Variants in TPI1 observed in about 807,000 individuals in gnomAD.
TPI1 encodes triosephosphate isomerase.
TPI1 carries 11 observed loss-of-function variants against 31.0 expected under a neutral mutation model. The observed-to-expected ratio is 0.36, with a 90% CI of 0.22 to 0.59. The LOEUF (loss-of-function observed/expected upper bound fraction) is 0.59, where lower values mean the gene tolerates loss of function less well. Ranked by LOEUF, TPI1 falls within the 20% of genes least tolerant of loss-of-function variation. The pLI is 0.79. For missense variants in TPI1, 245 were observed against 319.7 expected (o/e 0.77, Z 1.78); for synonymous variants, 121 against 122.8 (o/e 0.99, Z 0.10).
In TPI1 at chr12:6,870,907, G is replaced by GAA; in HGVS notation, c.*524_*525insAA. The GAA allele has an allele frequency of 6.6e-6, 4 of 606,406 alleles. No individual in the cohort carries two copies. Among genetic ancestry groups the GAA allele is most frequent in the Middle Eastern group, 4.4e-4 (1 of 2,252 alleles). 37.6% of individuals were successfully genotyped at this position (606,406 alleles called of 1,614,324 possible). ...GGCAGCTATATAAATGATCATTTGT[G>GAA]CAAGAAAAAAAAAAAAACAAGAACA... On this transcript the variant is annotated 3_prime_UTR_variant, in exon 7 of 7. Coordinates refer to ENST00000396705, the MANE Select transcript of TPI1 (RefSeq NM_000365.6).
rs782045459 is a variant in TPI1 at position 6,867,649 on chromosome 12, C to T, written c.83C>T (p.Thr28Ile). Residue 28 changes from threonine to isoleucine, a missense_variant, in exon 1 of 7, where the codon ACT becomes ATT. Thr to Ile is a moderately conservative substitution (Grantham distance 89, BLOSUM62 -1). This residue lies in a region of TPI1 where 95 missense variants were observed against 96.4 expected (regional missense o/e 0.99). Coordinates refer to ENST00000396705, the MANE Select transcript of TPI1 (RefSeq NM_000365.6). ...CAGAGTCTGGGGGAGCTCATCGGCA[C>T]TCTGAACGCGGCCAAGGTGCCGGCC... ...RKQSLGELIG[T>I]LNAAKVPADT... 2.5e-6 allele frequency: 4 copies of T among 1,611,362 alleles called. 1 individual carries two copies. In the East Asian group the frequency reaches 6.7e-5, roughly 27 times the overall value.
At chr12:6,867,797 G>A in intron 1 of TPI1, 116 bp downstream of exon 1, 3 of 1,163,928 alleles carry the variant, frequency 2.6e-6, no homozygotes, top group Non-Finnish European at 3.5e-6. Flanking sequence ...CGGACCTGAT[G>A]CAGGGCTGTG....
upstream of TPI1, chr12:6,867,515 G>A (rs1424396309): frequency 3.1e-6 from 5 of 1,590,144 alleles, no homozygotes; most frequent in African/African-American, 5.4e-5. Context: ...TAAGTGGGCA[G>A]TGGCCGCGAC....
At position 6,867,644 on chromosome 12, in the gene TPI1, C is replaced by T. The variant is rs1555131554; in HGVS notation, c.78C>T (p.Ile26=). The T allele has an allele frequency of 1.2e-6, 2 of 1,611,762 alleles. No homozygotes were observed. Among genetic ancestry groups the T allele is most frequent in the East Asian group, 2.2e-5 (1 of 44,718 alleles). ...NGRKQSLGEL[I]GTLNAAKVPA... ...GGAAGCAGAGTCTGGGGGAGCTCAT[C>T]GGCACTCTGAACGCGGCCAAGGTGC... Residue 26 remains isoleucine (I), a synonymous_variant, in exon 1 of 7, where the codon ATC becomes ATT. Coordinates refer to ENST00000396705, the MANE Select transcript of TPI1 (RefSeq NM_000365.6).
Position 6,869,710 on chromosome 12 carries a change from G to A in TPI1, c.480G>A (p.Lys160=), listed in dbSNP as rs1163973997. The A allele has an allele frequency of 1.2e-6, 2 of 1,614,218 alleles. No homozygotes were observed. The highest frequency in any genetic ancestry group is 1.7e-6 in the Non-Finnish European group (2 of 1,180,040). The change falls in exon 5 of 7, where the codon AAG becomes AAA. Residue 160 remains lysine (K), a synonymous_variant. Coordinates refer to ENST00000396705, the MANE Select transcript of TPI1 (RefSeq NM_000365.6). The part of the protein sequence containing the change: ...VIADNVKDWS[K]VVLAYEPVWA... ...CAGATAACGTGAAGGACTGGAGCAA[G>A]GTCGTCCTGGCCTATGAGCCTGTGT... is the stretch of plus-strand genomic sequence containing the variant.
At chr12:6,870,239 A>G in intron 6 of TPI1, 26 bp from the exon 7 acceptor site, 5 of 1,611,028 alleles carry the variant, frequency 3.1e-6, no homozygotes, top group Non-Finnish European at 4.2e-6. Context: ...ATTCTTGACC[A>G]AGCCCTTGTT....
Position 6,869,123 on chromosome 12 carries a change from A to G in TPI1, c.264A>G (p.Gly88=). The change falls in exon 3 of 7, where the codon GGA becomes GGG. Residue 88 remains glycine (G), a synonymous_variant. Coordinates refer to ENST00000396705, the MANE Select transcript of TPI1 (RefSeq NM_000365.6). ...GCCCTGGCATGATCAAAGACTGCGG[A>G]GCCACGTGGGTGGTCCTGGGGCACT... is the stretch of plus-strand genomic sequence containing the variant. ...EISPGMIKDC[G]ATWVVLGHSE... 1 of 1,614,150 alleles carries G rather than the reference A, an allele frequency of 6.2e-7. No homozygotes were observed. The highest frequency in any genetic ancestry group is 1.1e-5 in the South Asian group (1 of 91,086).
intron 1 of TPI1, chr12:6,868,134 CGCGCCGAGCT>C: frequency 1.6e-6 from 2 of 1,268,366 alleles, no homozygotes; most frequent in Non-Finnish European, 2.0e-6. Flanking sequence ...TCCGCGTCCC[CGCGCCGAGCT>C]GCTCGGGCTC....
rs1466272646 is a variant in TPI1 at position 6,868,942 on chromosome 12, A to G, written c.194A>G (p.Gln65Arg). ...KLDPKIAVAA[Q>R]NCYKVTNGAF... Reference sequence around the variant, plus strand: ...GATCCCAAGATTGCTGTGGCTGCGCAGAACTGCTACAAAGTGACTAATGGG... The same window carrying G: ...GATCCCAAGATTGCTGTGGCTGCGCGGAACTGCTACAAAGTGACTAATGGG... Residue 65 changes from glutamine to arginine, a missense_variant, in exon 2 of 7, where the codon CAG becomes CGG. Physicochemically the swap from Gln to Arg is conservative, Grantham distance 43. Coordinates refer to ENST00000396705, the MANE Select transcript of TPI1 (RefSeq NM_000365.6). The G allele has an allele frequency of 6.2e-7, 1 of 1,614,206 alleles. No homozygotes were observed. Among genetic ancestry groups the G allele is most frequent in the Non-Finnish European group, 8.5e-7 (1 of 1,180,038 alleles).
rs782548367 is a variant in TPI1, at chr12:6,868,061, C to T, written c.115+380C>T. The T allele has an allele frequency of 8.1e-6, 10 of 1,229,548 alleles. No homozygotes were observed. In the African/African-American group the frequency reaches 9.4e-5, roughly 12 times the overall value. The allele number at this position is 1,229,548 out of a possible 1,614,324, so 76.2% of individuals were successfully genotyped here. On this transcript the variant is annotated intron_variant, in intron 1 of 6. Coordinates refer to ENST00000396705, the MANE Select transcript of TPI1 (RefSeq NM_000365.6). ...CGCGTGGGCTTCCCGCTCCCTGCGCCCTGGCCTCCCGCGCCGTGCGCCGCC... is the reference window on the plus strand; with the variant it reads ...CGCGTGGGCTTCCCGCTCCCTGCGCTCTGGCCTCCCGCGCCGTGCGCCGCC...
At position 6,870,254 on chromosome 12, in the gene TPI1, T is replaced by A; in HGVS notation, c.632-11T>A. 1 of 1,609,282 alleles carries A rather than the reference T, an allele frequency of 6.2e-7. No individual in the cohort carries two copies. The highest frequency in any genetic ancestry group is 1.3e-5 in the African/African-American group (1 of 74,998). On this transcript the variant is annotated splice_polypyrimidine_tract_variant and intron_variant, in intron 6 of 6. Coordinates refer to ENST00000396705, the MANE Select transcript of TPI1 (RefSeq NM_000365.6). ...ATTCTTGACCAAGCCCTTGTTCTGC[T>A]CCCTTCCCAGGCTCTGTGACTGGGG...
At position 6,870,334 on chromosome 12, in the gene TPI1, G is replaced by T; in HGVS notation, c.701G>T (p.Gly234Val). 1 of 1,614,166 alleles carries T rather than the reference G, an allele frequency of 6.2e-7. No individual in the cohort carries two copies. The highest frequency in any genetic ancestry group is 8.5e-7 in the Non-Finnish European group (1 of 1,180,036). ...QPDVDGFLVG[G>V]ASLKPEFVDI... ...GATGTGGATGGCTTCCTTGTGGGTG[G>T]TGCTTCCCTCAAGCCCGAATTCGTG... is the stretch of plus-strand genomic sequence containing the variant. The change falls in exon 7 of 7, where the codon GGT becomes GTT. Residue 234 changes from glycine (G) to valine (V), a missense_variant. By Grantham distance (109) the Gly-to-Val change is moderately radical. Transcript: ENST00000396705.
At chr12:6,869,845 G>A in intron 5 of TPI1, 72 bp downstream of exon 5, 1 of 1,554,144 alleles carries the variant, frequency 6.4e-7, no homozygotes, top group South Asian at 1.1e-5. Context: ...AGCCCACATG[G>A]GGCAACCCCT....
chr12:6,870,050 C>G lies in TPI1; in HGVS notation c.545C>G (p.Ala182Gly), dbSNP rs782244635. 6.8e-6 allele frequency: 11 copies of G among 1,614,180 alleles called. No homozygotes were observed. The South Asian group carries it at 1.1e-4, about 16-fold the overall frequency. ...ACTTAGGCCAGCTTCTTGTTCTAGG[C>G]CCAGGAAGTACACGAGAAGCTCCGA... Reference protein sequence around the residue: ...GTGKTATPQQAQEVHEKLRGW... With the variant: ...GTGKTATPQQGQEVHEKLRGW... Residue 182 changes from alanine to glycine, a missense_variant and splice_region_variant, in exon 6 of 7, where the codon GCC (alanine) becomes GGC (glycine). Physicochemically the swap from Ala to Gly is moderately conservative, Grantham distance 60. Coordinates refer to ENST00000396705, the MANE Select transcript of TPI1 (RefSeq NM_000365.6).
In TPI1 at chr12:6,870,602, C is replaced by A; in HGVS notation, c.*219C>A. On this transcript the variant is annotated 3_prime_UTR_variant, in exon 7 of 7. Coordinates refer to ENST00000396705, the MANE Select transcript of TPI1 (RefSeq NM_000365.6). Reference sequence around the variant, plus strand: ...ACTTACTATAATGGTTGGAACTAAACGTCACCAAGGTGGCTTCTCCTTGGC... The same window carrying A: ...ACTTACTATAATGGTTGGAACTAAAAGTCACCAAGGTGGCTTCTCCTTGGC... 1.4e-6 allele frequency: 1 copy of A among 717,874 alleles called. No homozygotes were observed. The highest frequency in any genetic ancestry group is 2.6e-6 in the Non-Finnish European group (1 of 386,770). 44.5% of individuals were successfully genotyped at this position (717,874 alleles called of 1,614,324 possible).
chr12:6,870,870 C>G lies in TPI1; in HGVS notation c.*487C>G. The G allele has an allele frequency of 1.7e-6, 1 of 571,962 alleles. No individual in the cohort carries two copies. Among genetic ancestry groups the G allele is most frequent in the Non-Finnish European group, 3.3e-6 (1 of 304,368 alleles). 35.4% of individuals were successfully genotyped at this position (571,962 alleles called of 1,614,324 possible). ...CCTTCACTGGACTTGCCCAGATAAT[C>G]TTCCTTTTTGAGGCAGCTATATAAA... On this transcript the variant is annotated 3_prime_UTR_variant, in exon 7 of 7. Transcript: ENST00000396705.
chr12:6,868,839 C>T (rs1944515626), intron 1 of TPI1, 25 bp from the exon 2 acceptor site: 2 of 1,607,560 alleles, frequency 1.2e-6, no homozygotes, highest in Non-Finnish European at 1.7e-6. Flanking sequence ...AGTCTCATCC[C>T]CCTGTGGTAC....
intron 4 of TPI1, 34 bp from the exon 5 acceptor site, chr12:6,869,654 C>T (rs549026824): frequency 6.2e-7 from 1 of 1,611,116 alleles, no homozygotes. Context: ...CTTTCTTGTT[C>T]ACCCTTCCCT....
At chr12:6,870,023 T>A (rs1415063595) in intron 5 of TPI1, 26 bp from the exon 6 acceptor site, 1 of 1,613,668 alleles carries the variant, frequency 6.2e-7, no homozygotes, top group African/African-American at 1.3e-5. Flanking sequence ...AGAAAAGGTC[T>A]TACTTAGGCC....
Sources: gnomAD v4.1 joint callset for allele counts on GRCh38, gnomAD v4.1.1 for gene constraint, gnomAD v4.1.1 regional missense constraint, MANE v1.5 for transcripts, NCBI Gene and HGNC (gene_info 2026-07-23, HGNC 2026-07-21) for gene names.